The following MYLK4 variants were observed in gnomAD, a reference collection of about 807,000 sequenced individuals.
The protein encoded by MYLK4 is myosin light chain kinase family member 4, also known as caMLCK like.
Under a neutral mutation model 48.1 loss-of-function variants are expected in MYLK4, and 46 were observed. The observed-to-expected ratio is 0.96, with a 90% CI of 0.75 to 1.22. The LOEUF is 1.22. Ranked by LOEUF, MYLK4 falls within the 50% of genes most tolerant of loss-of-function variation. MYLK4 has a pLI of 0.00. For synonymous variants in MYLK4, 170 were observed against 180.8 expected (o/e 0.94, Z 0.48); for missense variants, 451 against 486.1 (o/e 0.93, Z 0.68).
At chr6:2,762,035 G>A in the MYLK4 span, among the ~76,000 whole-genome samples, 5 of 151,978 alleles carry the variant, frequency 3.3e-5, no homozygotes, top group Non-Finnish European at 7.4e-5. Flanking sequence ...CCTCAGCCTT[G>A]CAAGTAGCTG....
chr6:2,723,506 C>T (rs923585234), intron 2 of MYLK4, among the ~76,000 whole-genome samples: 3 of 152,254 alleles, frequency 2.0e-5, no homozygotes, highest in Non-Finnish European at 2.9e-5. Context: ...AAACTGCTGA[C>T]GTCCCTCACA....
At chr6:2,726,716 A>G (rs1284659481) in intron 2 of MYLK4, among the ~76,000 whole-genome samples, 1 of 149,340 alleles carries the variant, frequency 6.7e-6, no homozygotes, top group East Asian at 2.0e-4. Context: ...GGCTTCCAGC[A>G]ATTCTCCTGC....
Position 2,692,847 on chromosome 6 carries a change from A to G in MYLK4, c.172T>C (p.Trp58Arg), listed in dbSNP as rs1761863509. ...CTTTCCGTCAGGTCGGCGTTTGACC[A>G]CACCTCCTTCGCCTGTGGAGGCACA... Reference protein sequence around the residue: ...RSGHNEAKEVWSNADLTERMP... With the variant: ...RSGHNEAKEVRSNADLTERMP... Residue 58 changes from tryptophan (W) to arginine (R), a missense_variant, in exon 3 of 13, where the codon TGG becomes CGG. Physicochemically the swap from Trp to Arg is moderately radical, Grantham distance 101. Coordinates refer to ENST00000274643, the MANE Select transcript of MYLK4 (RefSeq NM_001012418.5). The G allele has an allele frequency of 6.2e-7, 1 of 1,613,086 alleles. No homozygotes were observed. The highest frequency in any genetic ancestry group is 1.1e-5 in the South Asian group (1 of 90,782).
chr6:2,703,333 G>A (rs993539123), intron 2 of MYLK4, among the ~76,000 whole-genome samples: 5 of 152,142 alleles, frequency 3.3e-5, no homozygotes, highest in Admixed American at 1.3e-4. Flanking sequence ...AAATATTTAC[G>A]CTATCCCTGC....
At chr6:2,765,699 T>G in the MYLK4 span, 32 of 1,548,632 alleles carry the variant, frequency 2.1e-5, 1 homozygote, top group South Asian at 3.0e-4. Context: ...TGCCAGCAGA[T>G]GATGCCCGCC....
upstream of MYLK4, among the ~76,000 whole-genome samples, chr6:2,753,262 G>A (rs1455205638): frequency 2.0e-5 from 3 of 152,096 alleles, no homozygotes; most frequent in African/African-American, 2.4e-5. Context: ...AAGAAACATC[G>A]TCGACAGCTC....
rs191526484 is a variant in MYLK4, at chr6:2,742,712, C to A, written c.159+6424G>T. 7.9e-3 allele frequency among the ~76,000 whole-genome samples: 870 copies of A among 109,948 alleles called. 16 individuals are homozygous for A. The highest frequency in any genetic ancestry group is 0.039 in the Middle Eastern group (5 of 128). The allele number at this position is 109,948 out of a possible 152,430, so 72.1% of individuals were successfully genotyped here. A position where few individuals can be genotyped will look rare whatever the true frequency, so the allele number is the denominator to read the frequency against. ...GAAGGGGAACATCACACTCTGGGGA[C>A]TGTTGTGGGGTGGGGGGAGGGGGGA... is the stretch of plus-strand genomic sequence containing the variant. On this transcript the variant is annotated intron_variant, in intron 2 of 12. Transcript: ENST00000274643.
At chr6:2,768,402 A>G in the MYLK4 span, among the ~76,000 whole-genome samples, 3 of 152,236 alleles carry the variant, frequency 2.0e-5, no homozygotes, top group African/African-American at 7.2e-5. Flanking sequence ...TGGGATTCCA[A>G]AGATCTTAAA....
intron 3 of MYLK4, among the ~76,000 whole-genome samples, chr6:2,690,316 G>T (rs912303106): frequency 5.3e-5 from 8 of 152,082 alleles, no homozygotes; most frequent in African/African-American, 1.9e-4. Flanking sequence ...TTGACGAGGC[G>T]CTCCTCTGCC....
Position 2,680,261 on chromosome 6 carries a change from C to T in MYLK4, c.718G>A (p.Ala240Thr), listed in dbSNP as rs1390406500. The change falls in exon 8 of 13, where the codon GCT becomes ACT. Residue 240 changes from alanine (A) to threonine (T), a missense_variant. Coordinates refer to ENST00000274643, the MANE Select transcript of MYLK4 (RefSeq NM_001012418.5). ...PENILCVNRD[A>T]KQIKIIDFGL... ...AAATCAATAATTTTTATTTGCTTAGCATCCCGATTCACACACAGGATATTC... is the reference window on the plus strand; with the variant it reads ...AAATCAATAATTTTTATTTGCTTAGTATCCCGATTCACACACAGGATATTC... The T allele has an allele frequency of 3.7e-6, 6 of 1,614,024 alleles. No individual in the cohort carries two copies. In the Admixed American group the frequency reaches 5.0e-5, roughly 13 times the overall value.
intron 2 of MYLK4, among the ~76,000 whole-genome samples, chr6:2,737,629 G>A (rs1763726147): frequency 6.6e-6 from 1 of 152,152 alleles, no homozygotes; most frequent in East Asian, 1.9e-4. Context: ...GACAGGGAGG[G>A]AGGGGGAGTC....
intron 2 of MYLK4, among the ~76,000 whole-genome samples, chr6:2,715,330 TG>T (rs1762829171): frequency 6.6e-6 from 1 of 152,056 alleles, no homozygotes; most frequent in African/African-American, 2.4e-5. Context: ...TGGATGGTGC[TG>T]ACGGGCTGCA....
At chr6:2,765,050 G>T in the MYLK4 span, among the ~76,000 whole-genome samples, 1 of 152,142 alleles carries the variant, frequency 6.6e-6, no homozygotes, top group East Asian at 1.9e-4. Context: ...GGCCGGGAAA[G>T]CGGCGCTCGC....
At chr6:2,740,981 C>T (rs1260984484) in intron 2 of MYLK4, among the ~76,000 whole-genome samples, 1 of 152,216 alleles carries the variant, frequency 6.6e-6, no homozygotes, top group African/African-American at 2.4e-5. Flanking sequence ...TTAGATCATA[C>T]AGTAACAAAC....
the MYLK4 span, chr6:2,766,237 G>T: frequency 6.8e-7 from 1 of 1,475,280 alleles, no homozygotes; most frequent in Non-Finnish European, 9.0e-7. Flanking sequence ...CCAGTGGCGG[G>T]GGCCGCCCGC....
At chr6:2,679,210 TA>T (rs1561833218) in intron 9 of MYLK4, 69 bp downstream of exon 9, 6 of 1,584,358 alleles carry the variant, frequency 3.8e-6, no homozygotes, top group Non-Finnish European at 5.2e-6. Flanking sequence ...GGCTTTTATT[TA>T]AAACGGCAAA....
intron 2 of MYLK4, among the ~76,000 whole-genome samples, chr6:2,745,975 G>A (rs1481341127): frequency 6.0e-5 from 9 of 149,676 alleles, no homozygotes; most frequent in Admixed American, 2.0e-4. Context: ...GAACAAGGCC[G>A]GGCACGGTGG....
chr6:2,769,606 C>G, the MYLK4 span, among the ~76,000 whole-genome samples: 1 of 151,928 alleles, frequency 6.6e-6, no homozygotes, highest in African/African-American at 2.4e-5. Flanking sequence ...AAAGTTCTGA[C>G]GAGGCGTTAG....
intron 2 of MYLK4, among the ~76,000 whole-genome samples, chr6:2,742,339 G>T (rs146146921): frequency 1.4e-4 from 22 of 152,262 alleles, no homozygotes; most frequent in African/African-American, 5.1e-4. Flanking sequence ...GAATAAATAA[G>T]GCATTTGACC....
Sources: gnomAD v4.1 joint callset for allele counts (sites outside exome capture counted in the v4.1 genomes callset) on GRCh38, gnomAD v4.1.1 for gene constraint, MANE v1.5 for transcripts, NCBI Gene and HGNC (gene_info 2026-07-23, HGNC 2026-07-21) for gene names.